FGF16: variants seen among roughly 807,000 people sequenced by gnomAD.
FGF16 encodes metacarpal 4-5 fusion.
A neutral mutation model predicts 8.5 loss-of-function variants in FGF16; 2 were observed. That is an observed-to-expected ratio of 0.24 (90% CI 0.10 to 0.75). FGF16 has a LOEUF of 0.75. FGF16 is among the 30% of genes least tolerant of loss of function. The pLI, the probability that FGF16 is intolerant of heterozygous loss-of-function variation, is 0.74. For missense variants in FGF16, 79 were observed against 87.4 expected (o/e 0.90, Z 0.38); for synonymous variants, 33 against 34.6 (o/e 0.95, Z 0.16).
chrX:77,450,424 A>G (rs1290452334), intron 1 of FGF16, among the ~76,000 whole-genome samples: 1 of 112,355 alleles, frequency 8.9e-6, no homozygotes, highest in Non-Finnish European at 1.9e-5. Flanking sequence ...GAGTATTTCA[A>G]TCACCGCCTG....
In FGF16 at chrX:77,451,214, G is replaced by T. The variant is rs781985697; in HGVS notation, c.275-2943G>T. 1.3e-4 allele frequency among the ~76,000 whole-genome samples: 14 copies of T among 111,898 alleles called. No individual in the cohort carries two copies. In the East Asian group the frequency reaches 3.9e-3, roughly 32 times the overall value. On this transcript the variant is annotated intron_variant, in intron 1 of 2. Coordinates refer to ENST00000439435, the MANE Select transcript of FGF16 (RefSeq NM_003868.3). ...GTCCTTTGGCATCAGGGTTAACAGAGAGTTGGAGAAAAACTGTGGTGACTC... is the reference window on the plus strand; with the variant it reads ...GTCCTTTGGCATCAGGGTTAACAGATAGTTGGAGAAAAACTGTGGTGACTC...
intron 1 of FGF16, among the ~76,000 whole-genome samples, chrX:77,451,229 T>C (rs2062556280): frequency 8.9e-6 from 1 of 111,927 alleles, no homozygotes; most frequent in South Asian, 3.7e-4. Context: ...GGAGAAAAAC[T>C]GTGGTGACTC....
intron 1 of FGF16, among the ~76,000 whole-genome samples, chrX:77,448,212 G>T (rs2062546784): frequency 8.8e-6 from 1 of 113,288 alleles, no homozygotes; most frequent in Admixed American, 9.2e-5. Flanking sequence ...GAGCAAGGGG[G>T]TAGTTCTGGG....
At position 77,447,491 on chromosome X, in the gene FGF16, A is replaced by T. The variant is rs1780195704; in HGVS notation, c.-184A>T. The T allele has an allele frequency of 3.6e-6, 1 of 277,541 alleles. No homozygotes were observed. The highest frequency in any genetic ancestry group is 2.8e-5 in the African/African-American group (1 of 35,745). 22.9% of individuals were successfully genotyped at this position (277,541 alleles called of 1,213,427 possible). ...AGCACGCTGCCCCGCGCTCCCCGCC[A>T]CTGAGAAGTTCCTTGGACGCGAACA... On this transcript the variant is annotated 5_prime_UTR_variant, in exon 1 of 3. Coordinates refer to ENST00000439435, the MANE Select transcript of FGF16 (RefSeq NM_003868.3).
At position 77,454,512 on chromosome X, in the gene FGF16, G is replaced by A. The variant is rs782279113; in HGVS notation, c.378+252G>A. Among the ~76,000 whole-genome samples the A allele has an allele frequency of 3.7e-3, 389 of 104,691 alleles. 1 individual carries two copies. The highest frequency in any genetic ancestry group is 5.4e-3 in the Admixed American group (52 of 9,652). The allele number at this position is 104,691 out of a possible 115,157, so 90.9% of individuals were successfully genotyped here. On this transcript the variant is annotated intron_variant, in intron 2 of 2. Transcript: ENST00000439435. ...AAAAATAAAAAATAAAAAATTAGCC[G>A]GGCATGCTGGCATGCACCTGTAATC...
rs1307694730 is a variant in FGF16, at chrX:77,447,733, C to T, written c.59C>T (p.Ser20Leu). The T allele has an allele frequency of 1.7e-5, 5 of 296,843 alleles. No individual in the cohort carries two copies. The highest frequency in any genetic ancestry group is 1.1e-4 in the African/African-American group (4 of 36,805). 24.5% of individuals were successfully genotyped at this position (296,843 alleles called of 1,213,427 possible). A position where few individuals can be genotyped will look rare whatever the true frequency, so the allele number is the denominator to read the frequency against. The change falls in exon 1 of 3, where the codon TCG becomes TTG. Residue 20 changes from serine (S) to leucine (L), a missense_variant. Physicochemically the swap from Ser to Leu is moderately radical, Grantham distance 145 (BLOSUM62 -2). Coordinates refer to ENST00000439435, the MANE Select transcript of FGF16 (RefSeq NM_003868.3). Reference protein sequence around the residue: ...SLDWDLHGFSSSLGNVPLADS... With the variant: ...SLDWDLHGFSLSLGNVPLADS... ...GACTGGGATCTACACGGCTTCTCCT[C>T]GTCTCTGGGGAACGTGCCCTTAGCT...
intron 2 of FGF16, among the ~76,000 whole-genome samples, chrX:77,454,688 C>G (rs1224655254): frequency 3.8e-5 from 4 of 105,377 alleles, no homozygotes; most frequent in Non-Finnish European, 7.7e-5. Flanking sequence ...CACTTGAAAG[C>G]CCTTTTTTAG....
intron 1 of FGF16, among the ~76,000 whole-genome samples, chrX:77,449,884 C>G (rs781905144): frequency 2.7e-5 from 3 of 112,193 alleles, no homozygotes; most frequent in Non-Finnish European, 5.6e-5. Flanking sequence ...TGGCTAAGAG[C>G]ACCTCTGCAT....
At chrX:77,457,276 T>TAAGA (rs1421107831) in exon 3 of FGF16, 3 of 112,126 alleles carry the variant, frequency 2.7e-5, no homozygotes, top group Admixed American at 1.9e-4. Context: ...CTTTATATTG[T>TAAGA]AAGATTCTGT....
At chrX:77,454,354 A>G in intron 2 of FGF16, 94 bp downstream of exon 2, 1 of 510,896 alleles carries the variant, frequency 2.0e-6, no homozygotes, top group Non-Finnish European at 3.0e-6. Context: ...AAAAGTATAA[A>G]AATATTTATC....
Position 77,456,731 on chromosome X carries a change from C to T in FGF16, c.*209C>T. The T allele has an allele frequency of 1.3e-5, 5 of 376,478 alleles. No homozygotes were observed. In the South Asian group the frequency reaches 1.6e-4, roughly 12 times the overall value. The allele number at this position is 376,478 out of a possible 1,213,427, so 31.0% of individuals were successfully genotyped here. A position where few individuals can be genotyped will look rare whatever the true frequency, so the allele number is the denominator to read the frequency against. On this transcript the variant is annotated 3_prime_UTR_variant, in exon 3 of 3. Transcript: ENST00000439435. ...TTGGGGAGGGATGGGGGGCTGGGCT[C>T]GAGGGAATCTTGTATATACTTTTTT...
chrX:77,453,793 G>C (rs2062564105), intron 1 of FGF16, among the ~76,000 whole-genome samples: 1 of 111,851 alleles, frequency 8.9e-6, no homozygotes, highest in Non-Finnish European at 1.9e-5. Flanking sequence ...ACAGAAACCT[G>C]TCCTTCTTGC....
At chrX:77,451,497 T>G (rs1172202503) in intron 1 of FGF16, among the ~76,000 whole-genome samples, 23 of 111,731 alleles carry the variant, frequency 2.1e-4, no homozygotes, top group African/African-American at 7.2e-4. Context: ...TTCCTTTCCA[T>G]ACTGGGCACT....
At chrX:77,450,146 T>C (rs1334626456) in intron 1 of FGF16, among the ~76,000 whole-genome samples, 3 of 112,540 alleles carry the variant, frequency 2.7e-5, no homozygotes, top group African/African-American at 9.7e-5. Flanking sequence ...ATAAGTGCTT[T>C]AGCAGTCAAC....
At chrX:77,449,952 A>G (rs1467556314) in intron 1 of FGF16, among the ~76,000 whole-genome samples, 1 of 112,236 alleles carries the variant, frequency 8.9e-6, no homozygotes, top group African/African-American at 3.2e-5. Context: ...CTTCCTGTAA[A>G]GAAAATGATA....
chrX:77,454,405 C>G (rs2062566994), intron 2 of FGF16, 145 bp downstream of exon 2: 1 of 361,136 alleles, frequency 2.8e-6, no homozygotes, highest in Admixed American at 6.0e-5. Context: ...AATCCCAGCA[C>G]TTTGGGAGGC....
chrX:77,454,281 T>TG, intron 2 of FGF16, 21 bp downstream of exon 2: 5 of 770,645 alleles, frequency 6.5e-6, no homozygotes, highest in Non-Finnish European at 5.4e-6. Context: ...GGTTTTTTTT[T>TG]TTTTTTTTTT....
At chrX:77,451,730 A>G (rs1168136019) in intron 1 of FGF16, among the ~76,000 whole-genome samples, 1 of 111,580 alleles carries the variant, frequency 9.0e-6, no homozygotes, top group Non-Finnish European at 1.9e-5. Flanking sequence ...CCAATTGTAC[A>G]TTAGCTTTTT....
chrX:77,451,804 G>A, intron 1 of FGF16, among the ~76,000 whole-genome samples: 1 of 112,118 alleles, frequency 8.9e-6, no homozygotes, highest in Non-Finnish European at 1.9e-5. Context: ...CTTAGCCATT[G>A]TTGTGTTTTA....
Sources: allele counts gnomAD v4.1 joint callset (sites outside exome capture counted in the v4.1 genomes callset), GRCh38; gene constraint gnomAD v4.1.1; transcripts MANE v1.5; gene names NCBI Gene and HGNC (gene_info 2026-07-23, HGNC 2026-07-21).